Variants in SRBD1 observed in about 807,000 individuals in gnomAD.
SRBD1 encodes S1 RNA binding domain 1, also known as S1 RNA-binding domain-containing protein 1.
A neutral mutation model predicts 115.3 loss-of-function variants in SRBD1; 88 were observed. That is an observed-to-expected ratio of 0.76 (90% CI 0.64 to 0.91). SRBD1 has a LOEUF of 0.91. Among genes scored for constraint, SRBD1 ranks in the 40% least tolerant of loss-of-function variants. The pLI, the probability that SRBD1 is intolerant of heterozygous loss-of-function variation, is 0.00. For missense variants in SRBD1, 1,385 were observed against 1,177.4 expected (o/e 1.18, Z -2.58); for synonymous variants, 509 against 407.7 (o/e 1.25, Z -2.99).
chr2:45,548,046 A>T (rs1364696820), intron 12 of SRBD1, among the ~76,000 whole-genome samples: 1 of 151,836 alleles, frequency 6.6e-6, no homozygotes, highest in East Asian at 1.9e-4. Flanking sequence ...CATTATAAAG[A>T]AAAATATTTT....
At chr2:45,525,166 T>C (rs753844146) in intron 14 of SRBD1, among the ~76,000 whole-genome samples, 5 of 152,034 alleles carry the variant, frequency 3.3e-5, no homozygotes, top group Non-Finnish European at 7.4e-5. Flanking sequence ...TAAATGGATG[T>C]AGGCACTAAA....
At chr2:45,424,527 T>C (rs1189484967) in intron 16 of SRBD1, among the ~76,000 whole-genome samples, 2 of 152,172 alleles carry the variant, frequency 1.3e-5, no homozygotes, top group African/African-American at 4.8e-5. Context: ...TTAAGTTAAA[T>C]CTGTTCTAAA....
chr2:45,389,074 A>T lies in SRBD1; in HGVS notation c.*236T>A. ...ACAAAATTTTAGTCAGAAAACTATT[A>T]CTACATAAAGCCATATAAGAATGTG... On this transcript the variant is annotated 3_prime_UTR_variant, in exon 21 of 21. Coordinates refer to ENST00000263736, the MANE Select transcript of SRBD1 (RefSeq NM_018079.5). 2.2e-6 allele frequency: 1 copy of T among 458,468 alleles called. No individual in the cohort carries two copies. The highest frequency in any genetic ancestry group is 3.8e-6 in the Non-Finnish European group (1 of 266,574). The allele number at this position is 458,468 out of a possible 1,614,324, so 28.4% of individuals were successfully genotyped here.
chr2:45,414,637 G>C (rs1235752872), intron 18 of SRBD1, among the ~76,000 whole-genome samples: 1 of 67,228 alleles, frequency 1.5e-5, no homozygotes, highest in Admixed American at 1.3e-4. Context: ...TGTGTATATA[G>C]TGTGTATATA....
chr2:45,500,281 G>C (rs188502893), intron 14 of SRBD1, among the ~76,000 whole-genome samples: 2,423 of 139,734 alleles, frequency 0.017, 38 homozygotes, highest in East Asian at 0.079. Flanking sequence ...GCATGTCTCT[G>C]TGTGTGTGTG....
intron 4 of SRBD1, among the ~76,000 whole-genome samples, chr2:45,591,946 C>A (rs1051147726): frequency 6.6e-6 from 1 of 152,150 alleles, no homozygotes; most frequent in Non-Finnish European, 1.5e-5. Flanking sequence ...CCACCCAAAT[C>A]TCAACTTGAA....
chr2:45,509,645 A>ACACACG (rs896558912), intron 14 of SRBD1, among the ~76,000 whole-genome samples: 6 of 150,472 alleles, frequency 4.0e-5, no homozygotes, highest in Admixed American at 4.0e-4. Flanking sequence ...ACACACACAC[A>ACACACG]CGCAAAGAAG....
intron 4 of SRBD1, among the ~76,000 whole-genome samples, chr2:45,596,479 A>G (rs530298315): frequency 6.6e-6 from 1 of 152,348 alleles, no homozygotes; most frequent in Admixed American, 6.5e-5. Context: ...TAGAGAAATG[A>G]TGCAAACTAG....
intron 8 of SRBD1, 120 bp downstream of exon 8, chr2:45,574,507 G>C: frequency 1.2e-6 from 1 of 808,516 alleles, no homozygotes; most frequent in Non-Finnish European, 1.9e-6. Flanking sequence ...AAAGAGTTTT[G>C]CTACTTTAAA....
chr2:45,576,260 T>G (rs1358626924), intron 7 of SRBD1, among the ~76,000 whole-genome samples: 1 of 152,210 alleles, frequency 6.6e-6, no homozygotes, highest in African/African-American at 2.4e-5. Flanking sequence ...ATTTTCTTTT[T>G]TCTAGCTTAC....
chr2:45,449,220 A>G (rs186634913), intron 16 of SRBD1, among the ~76,000 whole-genome samples: 1 of 152,326 alleles, frequency 6.6e-6, no homozygotes, highest in Admixed American at 6.5e-5. Context: ...TGCTCAAAAG[A>G]GAACTAGTCA....
At chr2:45,402,950 T>C (rs1247611639) in intron 19 of SRBD1, among the ~76,000 whole-genome samples, 1 of 152,168 alleles carries the variant, frequency 6.6e-6, no homozygotes, top group Admixed American at 6.6e-5. Flanking sequence ...AACCCCTAAA[T>C]AGGCTGTTTC....
At chr2:45,585,507 C>T (rs1478069167) in intron 5 of SRBD1, 101 bp downstream of exon 5, 1 of 1,312,256 alleles carries the variant, frequency 7.6e-7, no homozygotes, top group African/African-American at 1.5e-5. Flanking sequence ...TTCAAGGAAA[C>T]AAAATGTTGA....
chr2:45,467,736 A>G (rs1669532944), intron 16 of SRBD1, among the ~76,000 whole-genome samples: 3 of 152,208 alleles, frequency 2.0e-5, no homozygotes, highest in Non-Finnish European at 4.4e-5. Flanking sequence ...GAAAGGTAAC[A>G]TATAATATGA....
chr2:45,576,049 C>T (rs1282184826), intron 7 of SRBD1, among the ~76,000 whole-genome samples: 5 of 152,088 alleles, frequency 3.3e-5, no homozygotes, highest in Non-Finnish European at 7.4e-5. Context: ...AACAAGGGTG[C>T]CTGCCTCTCG....
chr2:45,389,344 G>A lies in SRBD1; in HGVS notation c.2954C>T (p.Ser985Phe). Reference sequence around the variant, plus strand: ...CCGAATGAGGTCCAGAGTAATCCTAGATCGGGGGATGTCAATGTTGAGTAC... The same window carrying A: ...CCGAATGAGGTCCAGAGTAATCCTAAATCGGGGGATGTCAATGTTGAGTAC... ...VQVLNIDIPR[S>F]RITLDLIRVL The change falls in exon 21 of 21, where the codon TCT becomes TTT. Residue 985 changes from serine (S) to phenylalanine (F), a missense_variant. Ser to Phe is a radical substitution (Grantham distance 155). Coordinates refer to ENST00000263736, the MANE Select transcript of SRBD1 (RefSeq NM_018079.5). 2 of 1,614,038 alleles carry A rather than the reference G, an allele frequency of 1.2e-6. No individual in the cohort carries two copies. The highest frequency in any genetic ancestry group is 1.7e-6 in the Non-Finnish European group (2 of 1,179,918).
At chr2:45,402,513 C>G (rs17033614) in intron 19 of SRBD1, among the ~76,000 whole-genome samples, 5,470 of 152,222 alleles carry the variant, frequency 0.036, 320 homozygotes, top group African/African-American at 0.13. Context: ...ATACATTTAC[C>G]TGGTCCATTC....
intron 19 of SRBD1, among the ~76,000 whole-genome samples, chr2:45,403,665 A>C (rs1000337191): frequency 1.7e-4 from 26 of 152,144 alleles, no homozygotes; most frequent in African/African-American, 6.0e-4. Flanking sequence ...AGGACAATTG[A>C]AGGAGCTCAT....
At chr2:45,437,174 A>C (rs1668523525) in intron 16 of SRBD1, among the ~76,000 whole-genome samples, 2 of 152,160 alleles carry the variant, frequency 1.3e-5, no homozygotes, top group Non-Finnish European at 2.9e-5. Flanking sequence ...TCAAGATGTC[A>C]GTTCTTCCCA....
Sources: allele counts gnomAD v4.1 joint callset (sites outside exome capture counted in the v4.1 genomes callset), GRCh38; gene constraint gnomAD v4.1.1; transcripts MANE v1.5; gene names NCBI Gene and HGNC (gene_info 2026-07-23, HGNC 2026-07-21).